The following ZNF831 variants were observed in gnomAD, a reference collection of about 807,000 sequenced individuals.
ZNF831 encodes zinc finger protein 831.
Under a neutral mutation model 95.8 loss-of-function variants are expected in ZNF831, and 59 were observed. The ratio of observed to expected loss-of-function variants is 0.62; its 90% confidence interval spans 0.50 to 0.77. The LOEUF (loss-of-function observed/expected upper bound fraction) is 0.77. Ranked by LOEUF, ZNF831 falls within the 30% of genes least tolerant of loss-of-function variation. The probability of loss-of-function intolerance (pLI) is 0.00; values close to 1 mark genes in which losing one functional copy is unlikely to be tolerated. For missense variants in ZNF831, 2,205 were observed against 2,164.0 expected (o/e 1.02, Z -0.38); for synonymous variants, 961 against 925.5 (o/e 1.04, Z -0.70).
At chr20:59,200,436 G>T (rs773940202) in intron 3 of ZNF831, among the ~76,000 whole-genome samples, 12 of 151,906 alleles carry the variant, frequency 7.9e-5, no homozygotes, top group Non-Finnish European at 7.4e-5. Flanking sequence ...AATTTTACCA[G>T]TTTTTAAATC....
At chr20:59,130,554 A>G (rs531614611) in intron 1 of ZNF831, among the ~76,000 whole-genome samples, 5 of 152,148 alleles carry the variant, frequency 3.3e-5, no homozygotes, top group Non-Finnish European at 5.9e-5. Context: ...GGCTGTGTGA[A>G]CATGTCCTGT....
At chr20:59,177,085 CA>C in intron 1 of ZNF831, among the ~76,000 whole-genome samples, 1 of 152,322 alleles carries the variant, frequency 6.6e-6, no homozygotes, top group East Asian at 1.9e-4. Context: ...TTCTGGATGG[CA>C]GTTCTCATCC....
rs56738506 is a variant in ZNF831, at chr20:59,253,867, C to CT, written c.4189-31_4189-30insT. 8.6e-5 allele frequency: 98 copies of CT among 1,142,210 alleles called. 16 individuals are homozygous for CT. The highest frequency in any genetic ancestry group is 1.2e-4 in the East Asian group (3 of 25,468). The allele number at this position is 1,142,210 out of a possible 1,614,324, so 70.8% of individuals were successfully genotyped here. On this transcript the variant is annotated intron_variant, in intron 5 of 5. Transcript: ENST00000371030. ...CTTTGTACCAATTAACCTCCCCCCC[C>CT]ACTTTTTTTTTCCTTTGCACTTTGT...
intron 1 of ZNF831, among the ~76,000 whole-genome samples, chr20:59,125,280 C>T (rs1178866002): frequency 6.6e-6 from 1 of 152,240 alleles, no homozygotes; most frequent in African/African-American, 2.4e-5. Flanking sequence ...TGCTGTAGAA[C>T]TTCTTGATAC....
rs2146767751 is a variant in ZNF831, at chr20:59,254,316, A to G, written c.4607A>G (p.Glu1536Gly). 1 of 1,614,108 alleles carries G rather than the reference A, an allele frequency of 6.2e-7. No individual in the cohort carries two copies. Among genetic ancestry groups the G allele is most frequent in the Non-Finnish European group, 8.5e-7 (1 of 1,180,018 alleles). Residue 1536 changes from glutamate (E) to glycine (G), a missense_variant, in exon 6 of 6, where the codon GAG (glutamate) becomes GGG (glycine). Transcript: ENST00000371030. This position sits in a 1 kb window ranked among gnomAD's most constrained non-coding sequence, Gnocchi z 4.5. ...SSSPDSKVTE[E>G]GRAQTLLPGR... The stretch of plus-strand genomic sequence containing the variant: ...TCCCCAGACAGCAAAGTCACAGAAG[A>G]GGGCAGAGCACAGACCCTCTTGCCA...
chr20:59,211,760 C>T (rs1009628702), intron 4 of ZNF831, among the ~76,000 whole-genome samples: 8 of 149,800 alleles, frequency 5.3e-5, no homozygotes, highest in African/African-American at 1.8e-4. Flanking sequence ...GAGCTGCGTC[C>T]TCGGTGAGGG....
At position 59,194,403 on chromosome 20, in the gene ZNF831, C is replaced by T. The variant is rs763360552; in HGVS notation, c.3384C>T (p.Leu1128=). Residue 1128 remains leucine, a synonymous_variant, in exon 2 of 6, where the codon CTC becomes CTT. Transcript: ENST00000371030. The part of the protein sequence containing the change: ...PLVGPDPCSP[L]QPGSFLTALT... Reference sequence around the variant, plus strand: ...TGGGCCCCGACCCGTGTTCCCCCCTCCAGCCTGGCTCCTTCCTCACTGCCC... The same window carrying T: ...TGGGCCCCGACCCGTGTTCCCCCCTTCAGCCTGGCTCCTTCCTCACTGCCC... 6.2e-7 allele frequency: 1 copy of T among 1,610,242 alleles called. No homozygotes were observed. Among genetic ancestry groups the T allele is most frequent in the Non-Finnish European group, 8.5e-7 (1 of 1,178,240 alleles).
chr20:59,154,416 G>A (rs1016527930), intron 2 of ZNF831, among the ~76,000 whole-genome samples: 3 of 152,158 alleles, frequency 2.0e-5, no homozygotes, highest in Non-Finnish European at 2.9e-5. Flanking sequence ...CTCTCTGCTC[G>A]AACCCTGTGA....
intron 2 of ZNF831, among the ~76,000 whole-genome samples, chr20:59,194,994 C>T (rs1427201500): frequency 6.6e-6 from 1 of 152,216 alleles, no homozygotes; most frequent in Non-Finnish European, 1.5e-5. Flanking sequence ...AATTACTGTA[C>T]TCAAGACATG....
At position 59,192,201 on chromosome 20, in the gene ZNF831, A is replaced by G. The variant is rs2146561553; in HGVS notation, c.1182A>G (p.Glu394=). The G allele has an allele frequency of 6.3e-7, 1 of 1,578,610 alleles. No homozygotes were observed. Among genetic ancestry groups the G allele is most frequent in the Non-Finnish European group, 8.6e-7 (1 of 1,163,850 alleles). ...CAGGGGCCGAGCCCGGGGCGCGAGA[A>G]GCCGGCCTGGAGCTGGAGAAGAAGC... ...GVAGAEPGAR[E]AGLELEKKRL... Residue 394 remains glutamate (E), a synonymous_variant, in exon 2 of 6, where the codon GAA becomes GAG. Coordinates refer to ENST00000371030, the MANE Select transcript of ZNF831 (RefSeq NM_178457.3). The surrounding 1 kb of genome is among the most constrained non-coding windows in gnomAD (Gnocchi z 5.2).
At chr20:59,241,051 C>T (rs893542609) in intron 4 of ZNF831, among the ~76,000 whole-genome samples, 1 of 152,016 alleles carries the variant, frequency 6.6e-6, no homozygotes, top group Admixed American at 6.6e-5. Context: ...AAAAAAAGTC[C>T]TATAATTAAA....
rs191814601 is a variant in ZNF831, at chr20:59,193,072, T to A, written c.2053T>A (p.Ser685Thr). Residue 685 changes from serine to threonine, a missense_variant, in exon 2 of 6, where the codon TCC becomes ACC. Ser to Thr is a moderately conservative substitution (Grantham distance 58, BLOSUM62 1). Transcript: ENST00000371030. The stretch of plus-strand genomic sequence containing the variant: ...GAGGACCCCTGTCCATGAGGACATA[T>A]CCGCAGGGGCAACGCCAGAGCCTTG... Reference protein sequence around the residue: ...DRRTPVHEDISAGATPEPWGN... With the variant: ...DRRTPVHEDITAGATPEPWGN... 1 of 1,592,064 alleles carries A rather than the reference T, an allele frequency of 6.3e-7. No individual in the cohort carries two copies. The highest frequency in any genetic ancestry group is 1.7e-5 in the Admixed American group (1 of 57,872).
Position 59,258,155 on chromosome 20 carries a change from A to G in ZNF831, c.*3412A>G, listed in dbSNP as rs1988266343. 1 of 152,038 alleles carries G rather than the reference A, an allele frequency of 6.6e-6. No individual in the cohort carries two copies. The highest frequency in any genetic ancestry group is 2.1e-4 in the South Asian group (1 of 4,816). The allele number at this position is 152,038 out of a possible 1,614,324, so 9.4% of individuals were successfully genotyped here. A position where few individuals can be genotyped will look rare whatever the true frequency, so the allele number is the denominator to read the frequency against. ...CATCTCACAGTAACCAGGAGAACCTATGGTTCATTTGCCAAGTGATTAAAA... is the reference window on the plus strand; with the variant it reads ...CATCTCACAGTAACCAGGAGAACCTGTGGTTCATTTGCCAAGTGATTAAAA... On this transcript the variant is annotated 3_prime_UTR_variant, in exon 6 of 6. Transcript: ENST00000371030.
At chr20:59,147,327 C>G (rs900431724) in intron 2 of ZNF831, among the ~76,000 whole-genome samples, 2 of 152,208 alleles carry the variant, frequency 1.3e-5, no homozygotes, top group Non-Finnish European at 2.9e-5. Context: ...AGGGCCCTCG[C>G]GTGTCACTCT....
intron 3 of ZNF831, among the ~76,000 whole-genome samples, chr20:59,201,190 T>C (rs568043131): frequency 7.9e-4 from 120 of 152,302 alleles, no homozygotes; most frequent in Non-Finnish European, 1.5e-3. Flanking sequence ...AGTTATGTAG[T>C]GGTATCTCTT....
At chr20:59,221,043 T>C (rs915958737) in intron 4 of ZNF831, among the ~76,000 whole-genome samples, 1 of 152,182 alleles carries the variant, frequency 6.6e-6, no homozygotes, top group African/African-American at 2.4e-5. Context: ...GCCCTTGAGA[T>C]TGAGGAGAGG....
intron 1 of ZNF831, among the ~76,000 whole-genome samples, chr20:59,183,086 T>C (rs1982746481): frequency 6.6e-6 from 1 of 152,176 alleles, no homozygotes. Context: ...AGTGTGGGCC[T>C]GGTTCTGGGA....
chr20:59,219,154 A>G (rs566551065), intron 4 of ZNF831, among the ~76,000 whole-genome samples: 79 of 152,232 alleles, frequency 5.2e-4, no homozygotes, highest in African/African-American at 1.8e-3. Flanking sequence ...GCTTAATGCA[A>G]TTAGGTATGC....
chr20:59,175,082 A>T (rs1344167463), intron 1 of ZNF831, among the ~76,000 whole-genome samples: 2 of 152,054 alleles, frequency 1.3e-5, no homozygotes, highest in African/African-American at 4.8e-5. Context: ...CAAGTTTCTG[A>T]TGAGAACCTG....
Sources: allele counts gnomAD v4.1 joint callset (sites outside exome capture counted in the v4.1 genomes callset), GRCh38; gene constraint gnomAD v4.1.1; non-coding constraint Gnocchi (gnomAD v3.1); transcripts MANE v1.5; gene names NCBI Gene and HGNC (gene_info 2026-07-23, HGNC 2026-07-21).